Variants in PIAS4 observed in about 807,000 individuals in gnomAD.
PIAS4 encodes protein inhibitor of activated STAT 4, also known as E3 SUMO-protein ligase PIAS4.
PIAS4 carries 7 observed loss-of-function variants against 58.0 expected under a neutral mutation model. The observed-to-expected ratio is 0.12, with a 90% CI of 0.07 to 0.23. The LOEUF (loss-of-function observed/expected upper bound fraction) is 0.23, where lower values mean the gene tolerates loss of function less well. PIAS4 is among the 10% of genes least tolerant of loss of function. The probability of loss-of-function intolerance (pLI) is 1.00; values close to 1 mark genes in which losing one functional copy is unlikely to be tolerated. For missense variants in PIAS4, 550 were observed against 709.5 expected, an observed-to-expected ratio of 0.78 and a Z score of 2.55; for synonymous variants, 364 against 312.4, an observed-to-expected ratio of 1.17 and a Z score of -1.74.
At chr19:4,033,252 G>A (rs2040240391) in intron 8 of PIAS4, 79 bp downstream of exon 8, 4 of 1,452,096 alleles carry the variant, frequency 2.8e-6, no homozygotes, top group Non-Finnish European at 3.8e-6. Context: ...GCCCGGGGCG[G>A]CTTGGCTGGG....
At position 4,037,501 on chromosome 19, in the gene PIAS4, C is replaced by T. The variant is rs745988210; in HGVS notation, c.1270C>T (p.Leu424=). 2 of 1,610,036 alleles carry T rather than the reference C, an allele frequency of 1.2e-6. No homozygotes were observed. Among genetic ancestry groups the T allele is most frequent in the South Asian group, 1.1e-5 (1 of 91,024 alleles). The stretch of plus-strand genomic sequence containing the variant: ...CAGCCCGCAGGGCGCCATCCTCGTG[C>T]TGGGTGAGTGCCTCACCCCACCAGC... ...SCSPQGAILV[L]GPSDANGLLP... Residue 424 remains leucine, a synonymous_variant, in exon 10 of 11, where the codon CTG becomes TTG. Transcript: ENST00000262971. This position sits in a 1 kb window ranked among gnomAD's most constrained non-coding sequence, Gnocchi z 5.8.
chr19:4,038,165 G>A lies in PIAS4; in HGVS notation c.*290G>A, dbSNP rs1478736526. 6 of 371,752 alleles carry A rather than the reference G, an allele frequency of 1.6e-5. No homozygotes were observed. Among genetic ancestry groups the A allele is most frequent in the South Asian group, 7.9e-5 (3 of 37,992 alleles). The allele number at this position is 371,752 out of a possible 1,614,324, so 23.0% of individuals were successfully genotyped here. ...ACAGCCGCCTCCCCGGCTGGAGTCC[G>A]AGCCGGGAAGGGGTAGTGGGCGGGA... On this transcript the variant is annotated 3_prime_UTR_variant, in exon 11 of 11. Transcript: ENST00000262971. The surrounding 1 kb of genome is among the most constrained non-coding windows in gnomAD (Gnocchi z 4.1).
intron 2 of PIAS4, among the ~76,000 whole-genome samples, chr19:4,017,060 C>G (rs923854955): frequency 1.3e-5 from 2 of 152,186 alleles, no homozygotes; most frequent in African/African-American, 4.8e-5. Flanking sequence ...CGTCTGCACA[C>G]TGGGGGCCTG....
At position 4,018,096 on chromosome 19, in the gene PIAS4, G is replaced by A. The variant is rs563351732; in HGVS notation, c.454+4747G>A. ...CAAAGTGCTGGGATTATAGGCGTGA[G>A]CCACCAGGCCCGGCCCCAGTCAGCC... is the stretch of plus-strand genomic sequence containing the variant. On this transcript the variant is annotated intron_variant, in intron 2 of 10. Coordinates refer to ENST00000262971, the MANE Select transcript of PIAS4 (RefSeq NM_015897.4). Among the ~76,000 whole-genome samples, 18 of 152,348 alleles carry A rather than the reference G, an allele frequency of 1.2e-4. No individual in the cohort carries two copies. The Middle Eastern group carries it at 0.01, about 86-fold the overall frequency.
At chr19:4,017,680 C>CTT (rs11372553) in intron 2 of PIAS4, 6,151 of 106,388 alleles carry the variant, frequency 0.058, 835 homozygotes, top group African/African-American at 0.2. Context: ...ATCCGATCAG[C>CTT]TTTTTTTTTT....
intron 1 of PIAS4, among the ~76,000 whole-genome samples, 178 bp from the exon 2 acceptor site, chr19:4,012,745 C>T (rs1159409232): frequency 6.6e-6 from 1 of 151,124 alleles, no homozygotes; most frequent in Admixed American, 6.6e-5. Flanking sequence ...AGGGAGGGGG[C>T]AGGGCTTTGC....
In PIAS4 at chr19:4,032,078, G is replaced by T. The variant is rs2890213; in HGVS notation, c.908-1022G>T. Among the ~76,000 whole-genome samples the T allele has an allele frequency of 2.6e-5, 4 of 152,064 alleles. No individual in the cohort carries two copies. In the South Asian group the frequency reaches 8.3e-4, roughly 32 times the overall value. On this transcript the variant is annotated intron_variant, in intron 7 of 10. Transcript: ENST00000262971. The stretch of plus-strand genomic sequence containing the variant: ...GAAGAGCCCACTGCTCCACACCCCG[G>T]CTGGGGGTCTGGGTGGGGGTCAGGA...
At position 4,033,679 on chromosome 19, in the gene PIAS4, C is replaced by CGTCTT. The variant is rs1599232430; in HGVS notation, c.1142+99_1142+100insGTCTT. The stretch of plus-strand genomic sequence containing the variant: ...CAGACCACATGGTGCCCCAGCAAGA[C>CGTCTT]ACAGCAGTGGGGGCACATGGTCCTG... On this transcript the variant is annotated intron_variant, in intron 9 of 10. Coordinates refer to ENST00000262971, the MANE Select transcript of PIAS4 (RefSeq NM_015897.4). 1.1e-5 allele frequency: 11 copies of CGTCTT among 1,009,468 alleles called. No homozygotes were observed. The East Asian group carries it at 2.9e-4, about 27-fold the overall frequency. 62.5% of individuals were successfully genotyped at this position (1,009,468 alleles called of 1,614,324 possible).
intron 2 of PIAS4, among the ~76,000 whole-genome samples, chr19:4,019,964 T>C (rs1272366426): frequency 6.6e-6 from 1 of 151,638 alleles, no homozygotes; most frequent in East Asian, 1.9e-4. Context: ...TCGCCCGGGC[T>C]GGAGTGCAGC....
intron 2 of PIAS4, chr19:4,018,522 G>T (rs2040075078): frequency 6.6e-6 from 1 of 152,248 alleles, no homozygotes; most frequent in African/African-American, 2.4e-5. Flanking sequence ...CCCAGAACCG[G>T]CTCTGCCTGG....
At position 4,037,458 on chromosome 19, in the gene PIAS4, C is replaced by T. The variant is rs544787857; in HGVS notation, c.1227C>T (p.Ala409=). 1.1e-5 allele frequency: 18 copies of T among 1,611,602 alleles called. No individual in the cohort carries two copies. The highest frequency in any genetic ancestry group is 3.3e-4 in the Middle Eastern group (2 of 6,060). ...LVDGSWCPIR[A]EKERSCSPQG... ...ACGGCTCGTGGTGCCCGATCCGCGCCGAAAAGGAGCGCAGCTGCAGCCCGC... is the reference window on the plus strand; with the variant it reads ...ACGGCTCGTGGTGCCCGATCCGCGCTGAAAAGGAGCGCAGCTGCAGCCCGC... Residue 409 remains alanine (A), a synonymous_variant, in exon 10 of 11, where the codon GCC becomes GCT. Transcript: ENST00000262971. This position sits in a 1 kb window ranked among gnomAD's most constrained non-coding sequence, Gnocchi z 5.8.
chr19:4,022,224 C>T (rs916243579), intron 2 of PIAS4, among the ~76,000 whole-genome samples: 7 of 152,126 alleles, frequency 4.6e-5, no homozygotes, highest in Non-Finnish European at 8.8e-5. Context: ...ACCTTTTATT[C>T]CCCTATTGAA....
chr19:4,009,097 C>A (rs142584272), intron 1 of PIAS4, among the ~76,000 whole-genome samples: 1 of 152,062 alleles, frequency 6.6e-6, no homozygotes, highest in Non-Finnish European at 1.5e-5. Flanking sequence ...CTTAGAAGTG[C>A]CCGCAAGGCC....
At position 4,037,608 on chromosome 19, in the gene PIAS4, G is replaced by T. The variant is rs1169710336; in HGVS notation, c.1274-8G>T. ...TAAGTACCTGCACCCTGTCCCTGTT[G>T]CCCGTAGGCCCCTCGGACGCCAATG... On this transcript the variant is annotated splice_polypyrimidine_tract_variant and splice_region_variant and intron_variant, in intron 10 of 10. Coordinates refer to ENST00000262971, the MANE Select transcript of PIAS4 (RefSeq NM_015897.4). The surrounding 1 kb of genome is among the most constrained non-coding windows in gnomAD (Gnocchi z 5.8). 2 of 1,609,242 alleles carry T rather than the reference G, an allele frequency of 1.2e-6. No homozygotes were observed. Among genetic ancestry groups the T allele is most frequent in the South Asian group, 1.1e-5 (1 of 91,084 alleles).
At chr19:4,016,932 G>A (rs1192619114) in intron 2 of PIAS4, among the ~76,000 whole-genome samples, 2 of 152,176 alleles carry the variant, frequency 1.3e-5, no homozygotes, top group Non-Finnish European at 2.9e-5. Flanking sequence ...GAGGGCTTCA[G>A]CGCCCCTGAG....
intron 9 of PIAS4, among the ~76,000 whole-genome samples, chr19:4,035,036 G>T (rs971694465): frequency 6.6e-6 from 1 of 152,180 alleles, no homozygotes; most frequent in African/African-American, 2.4e-5. Flanking sequence ...GAGAAGCTGT[G>T]GGGTGGGGCT....
In PIAS4 at chr19:4,028,616, C is replaced by A; in HGVS notation, c.672+16C>A. 1 of 1,611,568 alleles carries A rather than the reference C, an allele frequency of 6.2e-7. No homozygotes were observed. Among genetic ancestry groups the A allele is most frequent in the Non-Finnish European group, 8.5e-7 (1 of 1,179,012 alleles). ...CTCCGTCCCGGTGAGCATGCCCCGCCCCCGCGTCGGCTGCACGGGTTTGGG... is the reference window on the plus strand; with the variant it reads ...CTCCGTCCCGGTGAGCATGCCCCGCACCCGCGTCGGCTGCACGGGTTTGGG... On this transcript the variant is annotated intron_variant, in intron 5 of 10. Transcript: ENST00000262971.
chr19:4,037,810 G>A lies in PIAS4; in HGVS notation c.1468G>A (p.Asp490Asn). The change falls in exon 11 of 11, where the codon GAC becomes AAC. Residue 490 changes from aspartate to asparagine, a missense_variant. Physicochemically the swap from Asp to Asn is conservative, Grantham distance 23. Coordinates refer to ENST00000262971, the MANE Select transcript of PIAS4 (RefSeq NM_015897.4). This position sits in a 1 kb window ranked among gnomAD's most constrained non-coding sequence, Gnocchi z 5.8. ...EEEEEEEEDE[D>N]EEGPRPKRRC... ...GGAGGAAGAGGAGGAGGAAGACGAG[G>A]ACGAAGAGGGGCCCCGGCCCAAGCG... 2 of 1,584,064 alleles carry A rather than the reference G, an allele frequency of 1.3e-6. No homozygotes were observed. The highest frequency in any genetic ancestry group is 2.3e-5 in the East Asian group (1 of 43,668).
At chr19:4,023,811 C>A (rs748431807) in intron 2 of PIAS4, among the ~76,000 whole-genome samples, 18 of 152,352 alleles carry the variant, frequency 1.2e-4, no homozygotes, top group African/African-American at 4.1e-4. Context: ...TCTGAGTGGC[C>A]GTCAACAGGA....
Sources: gnomAD v4.1 joint callset for allele counts (sites outside exome capture counted in the v4.1 genomes callset) on GRCh38, gnomAD v4.1.1 for gene constraint, Gnocchi (gnomAD v3.1) non-coding constraint, MANE v1.5 for transcripts, NCBI Gene and HGNC (gene_info 2026-07-23, HGNC 2026-07-21) for gene names.